Variants in CDH23 observed in about 807,000 individuals in gnomAD.
CDH23 encodes cadherin-23.
CDH23 carries 189 observed loss-of-function variants against 317.1 expected under a neutral mutation model. The ratio of observed to expected loss-of-function variants is 0.60; its 90% CI spans 0.53 to 0.67. The LOEUF (loss-of-function observed/expected upper bound fraction) is 0.67. CDH23 is among the 30% of genes least tolerant of loss of function. The probability of loss-of-function intolerance (pLI) is 0.00; values close to 1 mark genes in which losing one functional copy is unlikely to be tolerated. For missense variants in CDH23, 4,401 were observed against 4,592.4 expected (o/e 0.96, Z 1.20); for synonymous variants, 1,839 against 1,876.8 (o/e 0.98, Z 0.52).
At chr10:71,481,440 A>G (rs1852059680) in intron 3 of CDH23, among the ~76,000 whole-genome samples, 1 of 152,150 alleles carries the variant, frequency 6.6e-6, no homozygotes, top group African/African-American at 2.4e-5. Context: ...GAGACCCCAC[A>G]TGGCCCCACC....
chr10:71,786,317 C>T (rs1841103225), intron 44 of CDH23, among the ~76,000 whole-genome samples: 1 of 152,132 alleles, frequency 6.6e-6, no homozygotes, highest in Admixed American at 6.5e-5. Flanking sequence ...TAGCCAGAAG[C>T]CTTCAGGCCC....
At chr10:71,611,422 G>A (rs76413067) in intron 9 of CDH23, among the ~76,000 whole-genome samples, 1 of 152,216 alleles carries the variant, frequency 6.6e-6, no homozygotes, top group Admixed American at 6.5e-5. Flanking sequence ...GGTTGGCTCA[G>A]TGTCACTGCT....
intron 6 of CDH23, among the ~76,000 whole-genome samples, chr10:71,552,075 C>T (rs1856626904): frequency 6.6e-6 from 1 of 152,272 alleles, no homozygotes; most frequent in Admixed American, 6.5e-5. Flanking sequence ...GCTACTACCG[C>T]TATGACTGTG....
intron 6 of CDH23, among the ~76,000 whole-genome samples, chr10:71,545,477 T>C (rs1463991613): frequency 6.6e-6 from 1 of 152,236 alleles, no homozygotes; most frequent in Non-Finnish European, 1.5e-5. Flanking sequence ...GGAGACCCGA[T>C]GCTTACCCCC....
At chr10:71,638,808 C>G (rs144082318) in intron 11 of CDH23, among the ~76,000 whole-genome samples, 99 of 152,322 alleles carry the variant, frequency 6.5e-4, no homozygotes, top group South Asian at 1.9e-3. Context: ...GCTCTGGGAG[C>G]CTTAGAGAGA....
At chr10:71,611,478 C>T (rs1860889321) in intron 9 of CDH23, among the ~76,000 whole-genome samples, 1 of 152,170 alleles carries the variant, frequency 6.6e-6, no homozygotes, top group Non-Finnish European at 1.5e-5. Context: ...TGGGGAGAGA[C>T]CATGGTGGTA....
intron 3 of CDH23, among the ~76,000 whole-genome samples, chr10:71,487,849 C>T (rs192628445): frequency 4.5e-4 from 69 of 152,344 alleles, no homozygotes; most frequent in African/African-American, 1.6e-3. Context: ...CACCTCTCTC[C>T]TTCTCCCACC....
intron 3 of CDH23, among the ~76,000 whole-genome samples, chr10:71,458,051 G>A (rs1850784468): frequency 6.6e-6 from 1 of 152,196 alleles, no homozygotes; most frequent in African/African-American, 2.4e-5. Context: ...CTAGTAACTG[G>A]CAAAGGTGTA....
chr10:71,426,544 G>A (rs926090331), intron 1 of CDH23, among the ~76,000 whole-genome samples: 1 of 152,166 alleles, frequency 6.6e-6, no homozygotes, highest in South Asian at 2.1e-4. Flanking sequence ...TTCTGGCTGG[G>A]AGTGAGAGGT....
At chr10:71,684,876 G>A (rs934684001) in intron 18 of CDH23, among the ~76,000 whole-genome samples, 2 of 152,150 alleles carry the variant, frequency 1.3e-5, no homozygotes, top group Admixed American at 6.5e-5. Flanking sequence ...CCTAAGTAGC[G>A]AAATGGAAAC....
At chr10:71,564,080 C>A (rs1159187679) in intron 6 of CDH23, among the ~76,000 whole-genome samples, 1 of 152,200 alleles carries the variant, frequency 6.6e-6, no homozygotes, top group Non-Finnish European at 1.5e-5. Context: ...GTTCCAGACT[C>A]AAAGTTAGGG....
chr10:71,627,503 C>T, intron 11 of CDH23, among the ~76,000 whole-genome samples: 1 of 152,204 alleles, frequency 6.6e-6, no homozygotes, highest in East Asian at 1.9e-4. Flanking sequence ...GAGTCAGACA[C>T]CTCCTAATTT....
At chr10:71,463,231 C>T (rs1215240538) in intron 3 of CDH23, among the ~76,000 whole-genome samples, 1 of 152,156 alleles carries the variant, frequency 6.6e-6, no homozygotes, top group Non-Finnish European at 1.5e-5. Flanking sequence ...AGAAAGAAGG[C>T]AGGCTGCCCG....
At chr10:71,730,648 A>G in intron 31 of CDH23, 44 bp downstream of exon 31, 3 of 1,609,856 alleles carry the variant, frequency 1.9e-6, no homozygotes, top group Non-Finnish European at 2.5e-6. Context: ...TGCTCAGAGC[A>G]AACCTCCCCA....
rs552906420 is a variant in CDH23, at chr10:71,677,522, G to T, written c.1581G>T (p.Gln527His). The T allele has an allele frequency of 6.4e-5, 103 of 1,612,322 alleles. No homozygotes were observed. Among genetic ancestry groups the T allele is most frequent in the Admixed American group, 5.2e-4 (31 of 59,838 alleles). Reference protein sequence around the residue: ...LIARLDYELIQRFTLTIIARD... With the variant: ...LIARLDYELIHRFTLTIIARD... ...CCAGGCTGGACTATGAGCTCATCCA[G>T]CGCTTCACCCTGACGATCATTGCCC... The change falls in exon 16 of 70, where the codon CAG (glutamine) becomes CAT (histidine). Residue 527 changes from glutamine to histidine, a missense_variant. By Grantham distance (24) the Gln-to-His change is conservative (BLOSUM62 0). Coordinates refer to ENST00000224721, the MANE Select transcript of CDH23 (RefSeq NM_022124.6).
chr10:71,812,102 G>T, intron 66 of CDH23, 87 bp downstream of exon 66: 2 of 1,608,952 alleles, frequency 1.2e-6, no homozygotes, highest in South Asian at 1.1e-5. Context: ...CCAGCGCTGG[G>T]GCTGCCGAAA....
intron 3 of CDH23, among the ~76,000 whole-genome samples, chr10:71,471,755 C>G (rs1486449968): frequency 6.6e-6 from 1 of 152,130 alleles, no homozygotes; most frequent in African/African-American, 2.4e-5. Flanking sequence ...TACACCTGCC[C>G]TAGGTTTCCT....
chr10:71,584,951 C>T (rs866544527), intron 9 of CDH23, among the ~76,000 whole-genome samples: 31 of 152,088 alleles, frequency 2.0e-4, no homozygotes, highest in African/African-American at 6.5e-4. Flanking sequence ...AGGACATTTG[C>T]TAGAAGACAG....
intron 1 of CDH23, among the ~76,000 whole-genome samples, chr10:71,430,565 T>C (rs1038544790): frequency 1.3e-5 from 2 of 152,122 alleles, no homozygotes; most frequent in Admixed American, 1.3e-4. Flanking sequence ...TCCCAGCACT[T>C]TGGGAGGCCG....
Sources: gnomAD v4.1 joint callset for allele counts (sites outside exome capture counted in the v4.1 genomes callset) on GRCh38, gnomAD v4.1.1 for gene constraint, MANE v1.5 for transcripts, NCBI Gene and HGNC (gene_info 2026-07-23, HGNC 2026-07-21) for gene names.